Variants in ZNF385D observed in about 807,000 individuals in gnomAD.
The protein encoded by ZNF385D is zinc finger protein 385D.
In ZNF385D, 15 loss-of-function variants were observed where a neutral mutation model predicts 35.8. That is an observed-to-expected ratio of 0.42 (90% confidence interval 0.28 to 0.64). ZNF385D has a LOEUF of 0.64. Ranked by LOEUF, ZNF385D falls within the 30% of genes least tolerant of loss-of-function variation. The probability of loss-of-function intolerance (pLI) is 0.23; values close to 1 mark genes in which losing one functional copy is unlikely to be tolerated. For missense variants in ZNF385D, 474 were observed against 494.6 expected, an observed-to-expected ratio of 0.96 and a Z score of 0.39; for synonymous variants, 212 against 186.8, an observed-to-expected ratio of 1.13 and a Z score of -1.10.
At chr3:22,252,307 G>C (rs1470538625) in intron 2 of ZNF385D, among the ~76,000 whole-genome samples, 2 of 151,990 alleles carry the variant, frequency 1.3e-5, no homozygotes, top group African/African-American at 4.8e-5. Context: ...ATTTTTCCCT[G>C]ATTTAAACAT....
intron 2 of ZNF385D, among the ~76,000 whole-genome samples, chr3:21,581,259 T>A (rs1210045527): frequency 6.6e-6 from 1 of 152,202 alleles, no homozygotes; most frequent in African/African-American, 2.4e-5. Context: ...GCTCTTTCCT[T>A]TCTTCAGTCT....
chr3:22,126,151 C>T (rs1703413173), intron 3 of ZNF385D, among the ~76,000 whole-genome samples: 1 of 151,788 alleles, frequency 6.6e-6, no homozygotes, highest in South Asian at 2.1e-4. Flanking sequence ...AATGCTTTTC[C>T]AGCATCAATC....
chr3:21,871,609 C>T (rs2125847550), intron 3 of ZNF385D, among the ~76,000 whole-genome samples: 1 of 152,148 alleles, frequency 6.6e-6, no homozygotes, highest in South Asian at 2.1e-4. Flanking sequence ...ATGGTTACAC[C>T]TTCTATTCTA....
chr3:22,164,996 GT>G (rs1706219707), intron 3 of ZNF385D, among the ~76,000 whole-genome samples: 1 of 152,166 alleles, frequency 6.6e-6, no homozygotes, highest in Admixed American at 6.5e-5. Context: ...AAGATCAGTG[GT>G]TATGAGGGAG....
intron 3 of ZNF385D, among the ~76,000 whole-genome samples, chr3:22,127,026 A>G (rs900691955): frequency 6.6e-6 from 1 of 152,004 alleles, no homozygotes; most frequent in Non-Finnish European, 1.5e-5. Context: ...TTAGTATGGA[A>G]TATCTTTTTC....
chr3:21,745,142 T>A (rs2069706693), intron 1 of ZNF385D, among the ~76,000 whole-genome samples: 1 of 152,170 alleles, frequency 6.6e-6, no homozygotes, highest in Non-Finnish European at 1.5e-5. Context: ...ATAGCACCCA[T>A]CTTCCTGTGG....
chr3:21,989,778 AG>A (rs1695046535), intron 3 of ZNF385D, among the ~76,000 whole-genome samples: 1 of 152,200 alleles, frequency 6.6e-6, no homozygotes, highest in South Asian at 2.1e-4. Context: ...CAACTGACCC[AG>A]GTTACACAAA....
chr3:22,096,019 C>G (rs1701602458), intron 3 of ZNF385D, among the ~76,000 whole-genome samples: 2 of 151,636 alleles, frequency 1.3e-5, no homozygotes, highest in Admixed American at 1.3e-4. Flanking sequence ...TTGGAGGTTA[C>G]TTTTGAAAAT....
At chr3:21,825,783 GCCTCC>G (rs1694569544) in intron 3 of ZNF385D, among the ~76,000 whole-genome samples, 1 of 152,184 alleles carries the variant, frequency 6.6e-6, no homozygotes, top group South Asian at 2.1e-4. Flanking sequence ...GGGGTCCCCA[GCCTCC>G]GGGCTGCGGA....
At chr3:22,319,859 T>A (rs1462755920) in intron 2 of ZNF385D, among the ~76,000 whole-genome samples, 17 of 152,172 alleles carry the variant, frequency 1.1e-4, no homozygotes, top group Admixed American at 8.5e-4. Context: ...AATTTTTTTT[T>A]AAATAATGGT....
intron 2 of ZNF385D, among the ~76,000 whole-genome samples, chr3:22,358,939 TACAAG>T (rs1696280526): frequency 6.6e-6 from 1 of 151,464 alleles, no homozygotes; most frequent in South Asian, 2.1e-4. Flanking sequence ...ATCATAACCC[TACAAG>T]ACATCTGGTT....
At chr3:22,137,655 T>C (rs1276884598) in intron 3 of ZNF385D, among the ~76,000 whole-genome samples, 1 of 152,198 alleles carries the variant, frequency 6.6e-6, no homozygotes, top group Non-Finnish European at 1.5e-5. Context: ...AATTAGGTAT[T>C]GATGGGACGT....
intron 4 of ZNF385D, among the ~76,000 whole-genome samples, chr3:21,472,832 A>G (rs1341835570): frequency 6.6e-6 from 1 of 152,112 alleles, no homozygotes; most frequent in Non-Finnish European, 1.5e-5. Flanking sequence ...TTTTATTTGC[A>G]TCGCCTGCCC....
At chr3:22,188,651 C>T (rs1198038797) in intron 2 of ZNF385D, among the ~76,000 whole-genome samples, 2 of 151,952 alleles carry the variant, frequency 1.3e-5, no homozygotes, top group African/African-American at 2.4e-5. Context: ...GGGGTTTCAC[C>T]GTGTTAGCCA....
At chr3:22,014,782 T>C (rs948225883) in intron 3 of ZNF385D, among the ~76,000 whole-genome samples, 2 of 152,114 alleles carry the variant, frequency 1.3e-5, no homozygotes, top group African/African-American at 4.8e-5. Context: ...TATGTAAATA[T>C]TGACAAAATC....
intron 2 of ZNF385D, 33 bp downstream of exon 2, chr3:21,664,853 A>G (rs2066354838): frequency 6.2e-7 from 1 of 1,613,020 alleles, no homozygotes; most frequent in Non-Finnish European, 8.5e-7. Flanking sequence ...AATACCTTCC[A>G]CTCAGGCAAA....
intron 2 of ZNF385D, among the ~76,000 whole-genome samples, chr3:22,188,245 A>G (rs999113817): frequency 1.3e-5 from 2 of 152,204 alleles, no homozygotes; most frequent in East Asian, 1.9e-4. Context: ...TTGTAGTTTC[A>G]TAAGATACTG....
chr3:21,599,670 T>G (rs1281410201), intron 2 of ZNF385D, among the ~76,000 whole-genome samples: 2 of 152,300 alleles, frequency 1.3e-5, no homozygotes, highest in Non-Finnish European at 2.9e-5. Flanking sequence ...TGATAAGAAG[T>G]TACTTTAGTT....
intron 5 of ZNF385D, among the ~76,000 whole-genome samples, chr3:21,430,493 T>C (rs1040006760): frequency 3.9e-4 from 60 of 152,036 alleles, no homozygotes; most frequent in African/African-American, 1.3e-3. Flanking sequence ...AGGGAAGAGC[T>C]CTGCAGGCTG....
Sources: gnomAD v4.1 joint callset for allele counts (sites outside exome capture counted in the v4.1 genomes callset) on GRCh38, gnomAD v4.1.1 for gene constraint, MANE v1.5 for transcripts, NCBI Gene and HGNC (gene_info 2026-07-23, HGNC 2026-07-21) for gene names.